ARFGEF3: variants seen among roughly 807,000 people sequenced by gnomAD.
The protein encoded by ARFGEF3 is ARFGEF family member 3.
ARFGEF3 carries 96 observed loss-of-function variants against 221.7 expected under a neutral mutation model. The observed-to-expected ratio is 0.43, with a 90% confidence interval of 0.37 to 0.51. The LOEUF (loss-of-function observed/expected upper bound fraction) is 0.51. Ranked by LOEUF, ARFGEF3 falls within the 20% of genes least tolerant of loss-of-function variation. The pLI is 0.00. For missense variants in ARFGEF3, 2,410 were observed against 2,789.9 expected (o/e 0.86, Z 3.07); for synonymous variants, 1,145 against 1,126.8 (o/e 1.02, Z -0.32).
chr6:138,312,086 G>A (rs1779840215), intron 25 of ARFGEF3, among the ~76,000 whole-genome samples: 1 of 152,138 alleles, frequency 6.6e-6, no homozygotes, highest in Admixed American at 6.5e-5. Context: ...AACCCAGGAG[G>A]TGTAGGTTGC....
Position 138,341,305 on chromosome 6 carries a change from C to T in ARFGEF3, c.*4819C>T, listed in dbSNP as rs967996503. 1 of 154,810 alleles carries T rather than the reference C, an allele frequency of 6.5e-6. No individual in the cohort carries two copies. Among genetic ancestry groups the T allele is most frequent in the African/African-American group, 2.4e-5 (1 of 41,502 alleles). The allele number at this position is 154,810 out of a possible 1,614,324, so 9.6% of individuals were successfully genotyped here. On this transcript the variant is annotated 3_prime_UTR_variant, in exon 34 of 34. Transcript: ENST00000251691. The stretch of plus-strand genomic sequence containing the variant: ...AACCATTTTTCAAAATGTACATTCT[C>T]TGAAGAGGAAGCAGCTGGTTGGACA...
In ARFGEF3 at chr6:138,278,526, A is replaced by G; in HGVS notation, c.2204A>G (p.Tyr735Cys). The G allele has an allele frequency of 6.2e-7, 1 of 1,613,928 alleles. No homozygotes were observed. The highest frequency in any genetic ancestry group is 8.5e-7 in the Non-Finnish European group (1 of 1,179,854). ...FQMLMNADSLYTAAHCALLLN... is the reference protein window; with the variant it reads ...FQMLMNADSLCTAAHCALLLN... ...ATGCTGATGAACGCAGACAGCCTCT[A>G]CACAGCTGCACACTGCGCCCTGCTC... Residue 735 changes from tyrosine (Y) to cysteine (C), a missense_variant, in exon 13 of 34, where the codon TAC (tyrosine) becomes TGC (cysteine). Tyr to Cys is a radical substitution (Grantham distance 194). This residue lies in a region of ARFGEF3 where 594 missense variants were observed against 734.3 expected (regional missense o/e 0.81). Transcript: ENST00000251691.
At chr6:138,198,705 C>T (rs1432892012) in intron 2 of ARFGEF3, among the ~76,000 whole-genome samples, 2 of 152,166 alleles carry the variant, frequency 1.3e-5, no homozygotes, top group Non-Finnish European at 2.9e-5. Flanking sequence ...TTTTTTTCCA[C>T]ATATCCAAAC....
chr6:138,172,626 T>C (rs1776859832), intron 2 of ARFGEF3, among the ~76,000 whole-genome samples: 1 of 152,218 alleles, frequency 6.6e-6, no homozygotes, highest in Non-Finnish European at 1.5e-5. Flanking sequence ...TGAAAATATG[T>C]TTTTGATGAT....
chr6:138,165,623 G>T (rs1044410987), intron 1 of ARFGEF3, among the ~76,000 whole-genome samples: 21 of 151,798 alleles, frequency 1.4e-4, no homozygotes, highest in African/African-American at 5.1e-4. Context: ...GACCCTCATG[G>T]GAGAGAGGGG....
chr6:138,220,241 A>G (rs1241275553), intron 4 of ARFGEF3, among the ~76,000 whole-genome samples: 1 of 152,104 alleles, frequency 6.6e-6, no homozygotes, highest in Non-Finnish European at 1.5e-5. Flanking sequence ...GTGTTCAAAC[A>G]ATCTATCTGC....
At chr6:138,220,851 C>T (rs1777971576) in intron 4 of ARFGEF3, among the ~76,000 whole-genome samples, 1 of 152,194 alleles carries the variant, frequency 6.6e-6, no homozygotes, top group South Asian at 2.1e-4. Flanking sequence ...TCTTGACCAA[C>T]TAAATTGCCT....
At chr6:138,215,890 AAGAGAGAGAGAG>A (rs61160088) in intron 4 of ARFGEF3, 7 of 89,054 alleles carry the variant, frequency 7.9e-5, no homozygotes, top group Non-Finnish European at 1.8e-4. Context: ...GTGTGTGTGA[AAGAGAGAGAGAG>A]AGAGAGAGAG....
At chr6:138,306,686 CAATCATGGGAG>C (rs1334217433) in intron 22 of ARFGEF3, among the ~76,000 whole-genome samples, 2 of 151,942 alleles carry the variant, frequency 1.3e-5, no homozygotes, top group East Asian at 3.9e-4. Context: ...CATTGCAATT[CAATCATGGGAG>C]GGGATATTTT....
chr6:138,307,493 G>C, intron 23 of ARFGEF3, 96 bp downstream of exon 23: 1 of 1,122,316 alleles, frequency 8.9e-7, no homozygotes, highest in Non-Finnish European at 1.3e-6. Flanking sequence ...AGGGAAGACA[G>C]ATTGTCAGCC....
rs768884895 is a variant in ARFGEF3 at position 138,289,876 on chromosome 6, G to A, written c.2955G>A (p.Leu985=). 22 of 1,613,902 alleles carry A rather than the reference G, an allele frequency of 1.4e-5. No homozygotes were observed. The highest frequency in any genetic ancestry group is 1.6e-4 in the Middle Eastern group (1 of 6,062). Residue 985 remains leucine, a synonymous_variant, in exon 18 of 34, where the codon CTG becomes CTA. Transcript: ENST00000251691. ...TTGGGAAGGTGCAGGGGGTGTGGCT[G>A]CACACTGCCCACGTCTTGTGCATGG... is the stretch of plus-strand genomic sequence containing the variant. ...EQIGKVQGVW[L]HTAHVLCMEA...
At chr6:138,319,044 C>G (rs1357172805) in intron 27 of ARFGEF3, among the ~76,000 whole-genome samples, 2 of 151,338 alleles carry the variant, frequency 1.3e-5, no homozygotes, top group East Asian at 3.9e-4. Context: ...GTCTCAAATT[C>G]CTGGGCTCAA....
intron 4 of ARFGEF3, among the ~76,000 whole-genome samples, chr6:138,219,949 T>C (rs760574704): frequency 6.6e-6 from 1 of 152,206 alleles, no homozygotes; most frequent in Non-Finnish European, 1.5e-5. Context: ...TATCTACTTA[T>C]GTGTTTATAG....
intron 19 of ARFGEF3, among the ~76,000 whole-genome samples, chr6:138,292,931 C>T (rs1367068847): frequency 6.6e-6 from 1 of 152,194 alleles, no homozygotes; most frequent in Non-Finnish European, 1.5e-5. Context: ...TAATATTCAT[C>T]ACTGTTTTCT....
intron 12 of ARFGEF3, among the ~76,000 whole-genome samples, chr6:138,268,123 T>G (rs557440969): frequency 5.4e-4 from 82 of 152,338 alleles, no homozygotes; most frequent in Admixed American, 9.8e-4. Context: ...TATCCATCTC[T>G]GGACTGAGGC....
In ARFGEF3 at chr6:138,334,517, C is replaced by A. The variant is rs758993105; in HGVS notation, c.5671C>A (p.Pro1891Thr). The A allele has an allele frequency of 3.1e-6, 5 of 1,612,650 alleles. No homozygotes were observed. The highest frequency in any genetic ancestry group is 2.2e-5 in the East Asian group (1 of 44,800). Reference protein sequence around the residue: ...RARMPLLSVQPVSNADWVWLV... With the variant: ...RARMPLLSVQTVSNADWVWLV... ...ACGGATGCCCTTGCTCAGCGTCCAG[C>A]CTGTCAGCAACGCAGATTGGGTGTG... Residue 1891 changes from proline (P) to threonine (T), a missense_variant, in exon 33 of 34, where the codon CCT becomes ACT. Physicochemically the swap from Pro to Thr is conservative, Grantham distance 38. Around this residue, in one of 5 missense-constraint regions of ARFGEF3, gnomAD observed 723 missense variants for 991.9 expected, o/e 0.73. Transcript: ENST00000251691. The surrounding 1 kb of genome is among the most constrained non-coding windows in gnomAD (Gnocchi z 5.1).
In ARFGEF3 at chr6:138,234,416, G is replaced by A. The variant is rs946518186; in HGVS notation, c.421-4093G>A. Among the ~76,000 whole-genome samples the A allele has an allele frequency of 4.6e-5, 7 of 152,046 alleles. No homozygotes were observed. In the South Asian group the frequency reaches 6.2e-4, roughly 14 times the overall value. On this transcript the variant is annotated intron_variant, in intron 5 of 33. Coordinates refer to ENST00000251691, the MANE Select transcript of ARFGEF3 (RefSeq NM_020340.5). The stretch of plus-strand genomic sequence containing the variant: ...AAACTAGCAAACTTCCCTACCTAAC[G>A]TGGTGATCAGACTTAGACAGCTGTT...
chr6:138,307,431 A>G (rs1401493490), intron 23 of ARFGEF3, 34 bp downstream of exon 23: 1 of 1,589,276 alleles, frequency 6.3e-7, no homozygotes, highest in Non-Finnish European at 8.6e-7. Flanking sequence ...GCTATTCAGC[A>G]TTAATTCTCT....
chr6:138,265,580 CTTA>C (rs1209400903), intron 12 of ARFGEF3, among the ~76,000 whole-genome samples: 1 of 152,068 alleles, frequency 6.6e-6, no homozygotes, highest in Non-Finnish European at 1.5e-5. Flanking sequence ...TTGACATTCT[CTTA>C]TTGAACATTC....
Sources: gnomAD v4.1 joint callset for allele counts (sites outside exome capture counted in the v4.1 genomes callset) on GRCh38, gnomAD v4.1.1 for gene constraint, gnomAD v4.1.1 regional missense constraint, Gnocchi (gnomAD v3.1) non-coding constraint, MANE v1.5 for transcripts, NCBI Gene and HGNC (gene_info 2026-07-23, HGNC 2026-07-21) for gene names.